The following GARRE1 variants were observed in gnomAD, a reference collection of about 807,000 sequenced individuals.
The protein encoded by GARRE1 is granule associated Rac and RHOG effector protein 1.
Under a neutral mutation model 103.2 loss-of-function variants are expected in GARRE1, and 49 were observed. The observed-to-expected ratio is 0.47, with a 90% CI of 0.38 to 0.60. GARRE1 has a LOEUF of 0.60. GARRE1 is among the 20% of genes least tolerant of loss of function. The probability of loss-of-function intolerance (pLI) is 0.00; values close to 1 mark genes in which losing one functional copy is unlikely to be tolerated. For missense variants in GARRE1, 1,199 were observed against 1,370.5 expected, an observed-to-expected ratio of 0.87 and a Z score of 1.98; for synonymous variants, 505 against 532.8, an observed-to-expected ratio of 0.95 and a Z score of 0.72.
chr19:34,271,021 T>C (rs2073783926), intron 1 of GARRE1, among the ~76,000 whole-genome samples: 1 of 152,184 alleles, frequency 6.6e-6, no homozygotes, highest in Non-Finnish European at 1.5e-5. Flanking sequence ...GACACAAAAT[T>C]ATACTTTTCC....
chr19:34,347,812 G>C (rs2074218918), intron 10 of GARRE1, 65 bp from the exon 11 acceptor site: 1 of 1,404,406 alleles, frequency 7.1e-7, no homozygotes, highest in Non-Finnish European at 9.5e-7. Flanking sequence ...CGTTAGCAAA[G>C]CGTAGGGAAG....
chr19:34,325,387 C>T (rs367849277), intron 3 of GARRE1, among the ~76,000 whole-genome samples: 1 of 152,156 alleles, frequency 6.6e-6, no homozygotes, highest in African/African-American at 2.4e-5. Flanking sequence ...GTGGCTCAGG[C>T]GTAGCCTCTC....
At chr19:34,275,602 A>G (rs1488920124) in intron 1 of GARRE1, among the ~76,000 whole-genome samples, 2 of 152,188 alleles carry the variant, frequency 1.3e-5, no homozygotes, top group African/African-American at 2.4e-5. Flanking sequence ...CAGTTATACT[A>G]CATTTTGTTT....
intron 10 of GARRE1, among the ~76,000 whole-genome samples, chr19:34,343,424 G>A (rs1340538414): frequency 2.0e-5 from 3 of 151,378 alleles, no homozygotes; most frequent in Non-Finnish European, 4.4e-5. Flanking sequence ...CTGACAGAGA[G>A]AAACCCTGTC....
At chr19:34,343,377 C>T (rs1198661707) in intron 10 of GARRE1, among the ~76,000 whole-genome samples, 1 of 151,806 alleles carries the variant, frequency 6.6e-6, no homozygotes. Flanking sequence ...TTTGAGGCTG[C>T]AGTGAGCTAT....
rs745589597 is a variant in GARRE1 at position 34,300,862 on chromosome 19, G to A, written c.389G>A (p.Arg130Gln). Residue 130 changes from arginine (R) to glutamine (Q), a missense_variant, in exon 2 of 14, where the codon CGG (arginine) becomes CAG (glutamine). By Grantham distance (43) the Arg-to-Gln change is conservative. Transcript: ENST00000299505. ...GAGCATGTCATGGAAGCAGCCAGTC[G>A]GCTGACCTCGGCCATAAAGCCTGAG... ...VQEHVMEAAS[R>Q]LTSAIKPEIA... The A allele has an allele frequency of 8.7e-6, 14 of 1,613,400 alleles. No homozygotes were observed. Among genetic ancestry groups the A allele is most frequent in the East Asian group, 6.7e-5 (3 of 44,898 alleles).
intron 1 of GARRE1, among the ~76,000 whole-genome samples, chr19:34,290,270 G>C (rs778437743): frequency 6.6e-6 from 1 of 151,968 alleles, no homozygotes; most frequent in African/African-American, 2.4e-5. Flanking sequence ...GTGGGAGGAT[G>C]GCTTGAGCCC....
Position 34,352,633 on chromosome 19 carries a change from CTT to C in GARRE1, c.2905-11_2905-10del, listed in dbSNP as rs1568315138. ...TGCCCGAAATGCCACTAAGAACTCT[CTT>C]TTGTTTCTCAGGATAACAAAACCAA... On this transcript the variant is annotated splice_polypyrimidine_tract_variant and intron_variant, in intron 13 of 13. Coordinates refer to ENST00000299505, the MANE Select transcript of GARRE1 (RefSeq NM_014686.5). 1.2e-6 allele frequency: 2 copies of C among 1,601,696 alleles called. No homozygotes were observed. The highest frequency in any genetic ancestry group is 8.5e-7 in the Non-Finnish European group (1 of 1,170,046).
intron 2 of GARRE1, among the ~76,000 whole-genome samples, chr19:34,313,530 G>A (rs192572384): frequency 7.2e-5 from 11 of 152,308 alleles, no homozygotes; most frequent in Admixed American, 2.6e-4. Context: ...CATCTAGTGC[G>A]ACAGAGCGGC....
At chr19:34,268,287 G>A (rs1302952847) in intron 1 of GARRE1, among the ~76,000 whole-genome samples, 1 of 152,172 alleles carries the variant, frequency 6.6e-6, no homozygotes, top group African/African-American at 2.4e-5. Context: ...AAGTTTAGGA[G>A]CCAGCTTTGT....
chr19:34,286,923 C>T (rs2073890474), intron 1 of GARRE1, among the ~76,000 whole-genome samples: 1 of 152,032 alleles, frequency 6.6e-6, no homozygotes. Flanking sequence ...CCCAGTTTGG[C>T]TCTCAAATTA....
intron 2 of GARRE1, among the ~76,000 whole-genome samples, chr19:34,319,538 T>C (rs1471506340): frequency 1.3e-5 from 2 of 152,222 alleles, no homozygotes; most frequent in Non-Finnish European, 2.9e-5. Flanking sequence ...TTCTGAATAC[T>C]GTATGGACGT....
At chr19:34,352,275 G>A (rs2084774) in intron 13 of GARRE1, among the ~76,000 whole-genome samples, 6,221 of 151,666 alleles carry the variant, frequency 0.041, 191 homozygotes, top group Admixed American at 0.11. Flanking sequence ...GGTGGCATGC[G>A]CTTGTAATCC....
At chr19:34,311,274 C>T (rs555316303) in intron 2 of GARRE1, among the ~76,000 whole-genome samples, 2 of 152,316 alleles carry the variant, frequency 1.3e-5, no homozygotes, top group East Asian at 1.9e-4. Flanking sequence ...GACTACACCT[C>T]TTAGTTCCTT....
At chr19:34,319,102 C>A (rs1341269944) in intron 2 of GARRE1, among the ~76,000 whole-genome samples, 1 of 152,126 alleles carries the variant, frequency 6.6e-6, no homozygotes, top group Non-Finnish European at 1.5e-5. Context: ...AGCAAAGGAG[C>A]TGTCAGAACA....
chr19:34,292,581 TTATTTTTTTTTTGAGACAGC>T (rs2073924235), intron 1 of GARRE1, among the ~76,000 whole-genome samples: 1 of 152,138 alleles, frequency 6.6e-6, no homozygotes, highest in African/African-American at 2.4e-5. Context: ...CCATTTTACT[TTATTTTTTTTTTGAGACAGC>T]GTCTCACTCT....
intron 3 of GARRE1, among the ~76,000 whole-genome samples, chr19:34,326,997 A>G (rs2074114818): frequency 6.6e-6 from 1 of 151,958 alleles, no homozygotes; most frequent in South Asian, 2.1e-4. Context: ...TCTACTAAAA[A>G]TACAAAACTC....
chr19:34,300,433 C>G lies in GARRE1; in HGVS notation c.-41C>G, dbSNP rs750361197. 8 of 1,514,030 alleles carry G rather than the reference C, an allele frequency of 5.3e-6. No homozygotes were observed. Among genetic ancestry groups the G allele is most frequent in the Non-Finnish European group, 6.2e-6 (7 of 1,129,766 alleles). 93.8% of individuals were successfully genotyped at this position (1,514,030 alleles called of 1,614,324 possible). ...AGTTTTGAGAAAGAAGAATCAGAAC[C>G]CTGACCCACTTACGGTTGCTGGGAC... On this transcript the variant is annotated 5_prime_UTR_variant, in exon 2 of 14. Coordinates refer to ENST00000299505, the MANE Select transcript of GARRE1 (RefSeq NM_014686.5).
intron 10 of GARRE1, among the ~76,000 whole-genome samples, chr19:34,345,924 C>T (rs1174155617): frequency 2.0e-5 from 3 of 152,246 alleles, no homozygotes; most frequent in African/African-American, 4.8e-5. Flanking sequence ...TACTCTTTCC[C>T]TTCTGGGTGT....
Sources: gnomAD v4.1 joint callset for allele counts (sites outside exome capture counted in the v4.1 genomes callset) on GRCh38, gnomAD v4.1.1 for gene constraint, MANE v1.5 for transcripts, NCBI Gene and HGNC (gene_info 2026-07-23, HGNC 2026-07-21) for gene names.